NAV2: variants seen among roughly 807,000 people sequenced by gnomAD.
The protein encoded by NAV2 is neuron navigator 2, also known as helicase, APC down-regulated 1.
In NAV2, 54 loss-of-function variants were observed where a neutral mutation model predicts 223.2. That is an observed-to-expected ratio of 0.24 (90% CI 0.19 to 0.30). The LOEUF (loss-of-function observed/expected upper bound fraction) is 0.30. NAV2 is among the 10% of genes least tolerant of loss of function. The pLI is 1.00. For missense variants in NAV2, 2,806 were observed against 3,147.5 expected (o/e 0.89, Z 2.60); for synonymous variants, 1,279 against 1,239.3 (o/e 1.03, Z -0.67).
chr11:19,701,330 G>A (rs1047063552), intron 1 of NAV2, among the ~76,000 whole-genome samples: 74 of 152,290 alleles, frequency 4.9e-4, no homozygotes, highest in African/African-American at 1.8e-3. Flanking sequence ...CTAGAAGACT[G>A]CCTTTGATAA....
intron 1 of NAV2, among the ~76,000 whole-genome samples, chr11:19,373,348 C>A (rs948791782): frequency 6.6e-6 from 1 of 152,220 alleles, no homozygotes; most frequent in African/African-American, 2.4e-5. Flanking sequence ...ACTCCAAGGT[C>A]TGGCCTCTGC....
rs2049972200 is a variant in NAV2, at chr11:19,712,888, G to C, written c.-808G>C. On this transcript the variant is annotated 5_prime_UTR_variant, in exon 1 of 38. Transcript: ENST00000349880. ...CCAGCGCAGCCTTCCCGGGAAGCGC[G>C]GCGGCCGCTCCCGAGCGCAGCCCTG... Among the ~76,000 whole-genome samples the C allele has an allele frequency of 6.6e-6, 1 of 151,048 alleles. No homozygotes were observed. Among genetic ancestry groups the C allele is most frequent in the Admixed American group, 6.6e-5 (1 of 15,158 alleles).
chr11:19,475,817 C>T (rs910994584), intron 1 of NAV2, among the ~76,000 whole-genome samples: 67 of 152,218 alleles, frequency 4.4e-4, no homozygotes, highest in African/African-American at 1.5e-3. Flanking sequence ...TCTGTCCTGC[C>T]TTTCTTGAGA....
chr11:19,739,825 G>A (rs754858437), intron 1 of NAV2, among the ~76,000 whole-genome samples: 37 of 152,268 alleles, frequency 2.4e-4, no homozygotes, highest in African/African-American at 3.4e-4. Flanking sequence ...AGGAAGCAGC[G>A]GCTGGCAGCT....
upstream of NAV2, among the ~76,000 whole-genome samples, chr11:19,709,507 A>G (rs2049793900): frequency 7.2e-6 from 1 of 138,898 alleles, no homozygotes; most frequent in Non-Finnish European, 1.5e-5. Flanking sequence ...ATATCGTGCC[A>G]CTGCACTCCA....
At chr11:19,960,923 C>T (rs1287181523) in intron 10 of NAV2, among the ~76,000 whole-genome samples, 1 of 150,118 alleles carries the variant, frequency 6.7e-6, no homozygotes, top group Non-Finnish European at 1.5e-5. Flanking sequence ...CAGGGCCACC[C>T]TCTTTGCCTG....
At chr11:19,906,626 T>C (rs936668598) in intron 6 of NAV2, among the ~76,000 whole-genome samples, 2 of 152,220 alleles carry the variant, frequency 1.3e-5, no homozygotes, top group African/African-American at 4.8e-5. Flanking sequence ...TATAGGGGCA[T>C]GTAGTTCTAA....
chr11:19,468,130 C>G (rs1003531136), intron 1 of NAV2, among the ~76,000 whole-genome samples: 1 of 152,190 alleles, frequency 6.6e-6, no homozygotes, highest in Admixed American at 6.5e-5. Context: ...TTGAGTCAGA[C>G]AAACTTGGCT....
chr11:19,477,363 A>T (rs1267315599), intron 1 of NAV2, among the ~76,000 whole-genome samples: 1 of 152,166 alleles, frequency 6.6e-6, no homozygotes, highest in Non-Finnish European at 1.5e-5. Context: ...TGCATTATTT[A>T]TTATATTTTG....
rs529933766 is a variant in NAV2, at chr11:20,118,071, G to A, written c.7165-62G>A. The A allele has an allele frequency of 4.9e-5, 78 of 1,590,622 alleles. 1 individual carries two copies. The South Asian group carries it at 8.6e-4, about 17-fold the overall frequency. The stretch of plus-strand genomic sequence containing the variant: ...TGGAGGAGGTGGCATGACCTTTTAG[G>A]AGTCCAGGGTGGGCGGCCAACTAGA... On this transcript the variant is annotated intron_variant, in intron 37 of 37. Coordinates refer to ENST00000349880, the MANE Select transcript of NAV2 (RefSeq NM_145117.5).
intron 1 of NAV2, among the ~76,000 whole-genome samples, chr11:19,659,513 G>A (rs2048217824): frequency 6.6e-6 from 1 of 152,156 alleles, no homozygotes; most frequent in Non-Finnish European, 1.5e-5. Flanking sequence ...AAGTAGGCAG[G>A]GAGGAGAGTG....
chr11:20,112,969 A>C (rs1238642341), intron 36 of NAV2, among the ~76,000 whole-genome samples: 4 of 152,186 alleles, frequency 2.6e-5, no homozygotes, highest in African/African-American at 4.8e-5. Flanking sequence ...AGACAGACAG[A>C]CAGCCGTGGC....
chr11:20,026,395 C>T (rs2055077464), intron 11 of NAV2, among the ~76,000 whole-genome samples: 1 of 152,126 alleles, frequency 6.6e-6, no homozygotes, highest in African/African-American at 2.4e-5. Context: ...ACCGCAAGCT[C>T]TGCCTCCCAG....
At chr11:19,737,002 G>A (rs1300811061) in intron 1 of NAV2, among the ~76,000 whole-genome samples, 1 of 152,228 alleles carries the variant, frequency 6.6e-6, no homozygotes, top group African/African-American at 2.4e-5. Context: ...TGAAAGAACT[G>A]TAGTGCCAGC....
intron 1 of NAV2, among the ~76,000 whole-genome samples, chr11:19,385,230 T>C (rs975553904): frequency 2.5e-4 from 38 of 152,352 alleles, no homozygotes; most frequent in African/African-American, 7.9e-4. Flanking sequence ...TCAGTGCTAT[T>C]GTAAAACCAG....
intron 1 of NAV2, among the ~76,000 whole-genome samples, chr11:19,457,370 AC>A: frequency 6.6e-6 from 1 of 152,244 alleles, no homozygotes; most frequent in East Asian, 1.9e-4. Flanking sequence ...TTGTGTGAAG[AC>A]CTCGGGACCT....
At chr11:19,616,999 G>A (rs945589771) in intron 1 of NAV2, among the ~76,000 whole-genome samples, 8 of 151,904 alleles carry the variant, frequency 5.3e-5, no homozygotes, top group Non-Finnish European at 1.0e-4. Flanking sequence ...GTCTCATAAC[G>A]TTACATTGCA....
At chr11:20,028,651 T>C (rs905472318) in intron 11 of NAV2, among the ~76,000 whole-genome samples, 2 of 152,202 alleles carry the variant, frequency 1.3e-5, no homozygotes, top group Non-Finnish European at 2.9e-5. Context: ...CATTCTGCCG[T>C]GGTTTGAGTC....
intron 1 of NAV2, among the ~76,000 whole-genome samples, chr11:19,636,247 G>T (rs1242567519): frequency 6.6e-6 from 1 of 152,150 alleles, no homozygotes; most frequent in Non-Finnish European, 1.5e-5. Flanking sequence ...TCCCCCTAGA[G>T]AAGCAATGAC....
Sources: gnomAD v4.1 joint callset for allele counts (sites outside exome capture counted in the v4.1 genomes callset) on GRCh38, gnomAD v4.1.1 for gene constraint, MANE v1.5 for transcripts, NCBI Gene and HGNC (gene_info 2026-07-23, HGNC 2026-07-21) for gene names.